The following GALNT11 variants were observed in gnomAD, a reference collection of about 807,000 sequenced individuals.
GALNT11 encodes UDP-GalNAc:polypeptide N-acetylgalactosaminyltransferase 11.
A neutral mutation model predicts 72.7 loss-of-function variants in GALNT11; 47 were observed. The ratio of observed to expected loss-of-function variants is 0.65; its 90% CI spans 0.51 to 0.82. GALNT11 has a LOEUF of 0.82. Among genes scored for constraint, GALNT11 ranks in the 40% least tolerant of loss-of-function variants. The pLI is 0.00. For synonymous variants in GALNT11, 270 were observed against 286.6 expected (o/e 0.94, Z 0.58); for missense variants, 677 against 778.4 (o/e 0.87, Z 1.55).
At chr7:152,082,355 C>A (rs2085370696) in intron 1 of GALNT11, among the ~76,000 whole-genome samples, 1 of 152,234 alleles carries the variant, frequency 6.6e-6, no homozygotes, top group South Asian at 2.1e-4. Flanking sequence ...ACGCATCCAC[C>A]CTACTGCTGT....
At chr7:152,097,039 G>A (rs1396760646) in intron 2 of GALNT11, among the ~76,000 whole-genome samples, 2 of 152,136 alleles carry the variant, frequency 1.3e-5, no homozygotes, top group East Asian at 3.9e-4. Flanking sequence ...TGTTGCCCAA[G>A]CTGGTCTCAA....
chr7:152,075,474 C>T (rs1417975909), intron 1 of GALNT11, among the ~76,000 whole-genome samples: 1 of 152,190 alleles, frequency 6.6e-6, no homozygotes, highest in Non-Finnish European at 1.5e-5. Flanking sequence ...TTCAAACTAC[C>T]CTGCCTGGTA....
chr7:152,108,189 T>G lies in GALNT11; in HGVS notation c.864T>G (p.Pro288=), dbSNP rs745749774. 1 of 1,614,112 alleles carries G rather than the reference T, an allele frequency of 6.2e-7. No homozygotes were observed. The highest frequency in any genetic ancestry group is 8.5e-7 in the Non-Finnish European group (1 of 1,179,982). ...ACACGCTGGCCTACAGCTCGTCCCC[T>G]GTCGTCCGCGGAGGGTTCAACTGGG... ...SADTLAYSSS[P]VVRGGFNWGL... The change falls in exon 6 of 12, where the codon CCT becomes CCG. Residue 288 remains proline (P), a synonymous_variant. Transcript: ENST00000430044.
At position 152,094,830 on chromosome 7, in the gene GALNT11, T is replaced by C. The variant is rs1397625370; in HGVS notation, c.295+308T>C. On this transcript the variant is annotated intron_variant, in intron 2 of 11. Coordinates refer to ENST00000430044, the MANE Select transcript of GALNT11 (RefSeq NM_022087.4). The surrounding 1 kb of genome is among the most constrained non-coding windows in gnomAD (Gnocchi z 4.3). The stretch of plus-strand genomic sequence containing the variant: ...GTTTTTTGTTTGTTTTTTTAAGAGA[T>C]GGGGTCTCACCATATTGCCCAGGCT... Among the ~76,000 whole-genome samples, 1 of 152,214 alleles carries C rather than the reference T, an allele frequency of 6.6e-6. No individual in the cohort carries two copies. Among genetic ancestry groups the C allele is most frequent in the Non-Finnish European group, 1.5e-5 (1 of 68,040 alleles).
chr7:152,032,989 T>C (rs1431426368), intron 1 of GALNT11, among the ~76,000 whole-genome samples: 1 of 152,194 alleles, frequency 6.6e-6, no homozygotes, highest in African/African-American at 2.4e-5. Flanking sequence ...GACAGGAGAT[T>C]AACACTGAGA....
chr7:152,026,658 T>C (rs6968270), intron 1 of GALNT11, among the ~76,000 whole-genome samples: 4,400 of 152,176 alleles, frequency 0.029, 206 homozygotes, highest in African/African-American at 0.099. Flanking sequence ...CAAGTGGCTA[T>C]TCCTCTGCCT....
At position 152,103,028 on chromosome 7, in the gene GALNT11, G is replaced by A. The variant is rs544665822; in HGVS notation, c.420-84G>A. 7.0e-6 allele frequency: 9 copies of A among 1,283,738 alleles called. No homozygotes were observed. The South Asian group carries it at 1.3e-4, about 19-fold the overall frequency. The allele number at this position is 1,283,738 out of a possible 1,614,324, so 79.5% of individuals were successfully genotyped here. On this transcript the variant is annotated intron_variant, in intron 3 of 11. Transcript: ENST00000430044. ...GGGTGGGGGAAGAGGGTGAACAAGG[G>A]GACAGTAAATCTGTAGGTGAATAAT...
intron 1 of GALNT11, among the ~76,000 whole-genome samples, chr7:152,066,655 G>C (rs886520616): frequency 2.6e-5 from 4 of 152,132 alleles, no homozygotes; most frequent in African/African-American, 9.7e-5. Flanking sequence ...ACACTTATAA[G>C]CCATTGTAGG....
rs866909026 is a variant in GALNT11 at position 152,051,204 on chromosome 7, T to G, written c.-39+25320T>G. Among the ~76,000 whole-genome samples, 861 of 132,702 alleles carry G rather than the reference T, an allele frequency of 6.5e-3. 6 individuals carry two copies. Among genetic ancestry groups the G allele is most frequent in the African/African-American group, 0.031 (826 of 26,866 alleles). 87.1% of individuals were successfully genotyped at this position (132,702 alleles called of 152,430 possible). A position where few individuals can be genotyped will look rare whatever the true frequency, so the allele number is the denominator to read the frequency against. On this transcript the variant is annotated intron_variant, in intron 1 of 11. Coordinates refer to ENST00000430044, the MANE Select transcript of GALNT11 (RefSeq NM_022087.4). ...TCCTAGAATTATATCTGGTTGTTTTTTTTTTTTTTTTTTTTTTTTTTTCAG... is the reference window on the plus strand; with the variant it reads ...TCCTAGAATTATATCTGGTTGTTTTGTTTTTTTTTTTTTTTTTTTTTTCAG...
In GALNT11 at chr7:152,115,966, G is replaced by GA. The variant is rs368518239; in HGVS notation, c.1234-1189dup. On this transcript the variant is annotated intron_variant, in intron 8 of 11. Coordinates refer to ENST00000430044, the MANE Select transcript of GALNT11 (RefSeq NM_022087.4). ...AGCTACTCAGGAGGCTGAGGCAGGA[G>GA]AATCGCTTGAACCTGGGAGGTGGAG... 3.3e-3 allele frequency among the ~76,000 whole-genome samples: 509 copies of GA among 152,278 alleles called. 3 individuals are homozygous for GA. Among genetic ancestry groups the GA allele is most frequent in the African/African-American group, 0.011 (460 of 41,578 alleles).
At chr7:152,100,967 C>T (rs1178663335) in intron 3 of GALNT11, 46 bp downstream of exon 3, 2 of 1,604,374 alleles carry the variant, frequency 1.2e-6, no homozygotes, top group Admixed American at 1.7e-5. Flanking sequence ...CAACACGATG[C>T]TTTTAGTGTC....
chr7:152,108,385 A>G, intron 6 of GALNT11, 98 bp downstream of exon 6: 2 of 1,495,146 alleles, frequency 1.3e-6, no homozygotes, highest in Non-Finnish European at 9.0e-7. Context: ...GTAAGGAGCA[A>G]AAGTGTTAGA....
chr7:152,045,368 G>A (rs1176747203), intron 1 of GALNT11, among the ~76,000 whole-genome samples: 2 of 152,100 alleles, frequency 1.3e-5, no homozygotes, highest in African/African-American at 4.8e-5. Context: ...ATTGGTATTA[G>A]TTCTTTAAAA....
intron 1 of GALNT11, among the ~76,000 whole-genome samples, chr7:152,066,707 A>G (rs1016253333): frequency 2.0e-5 from 3 of 152,162 alleles, no homozygotes; most frequent in South Asian, 2.1e-4. Flanking sequence ...TGTCTTAGGG[A>G]ACAGGGAGGC....
chr7:152,117,196 A>T lies in GALNT11; in HGVS notation c.1273A>T (p.Ser425Cys). 1 of 1,612,736 alleles carries T rather than the reference A, an allele frequency of 6.2e-7. No individual in the cohort carries two copies. The highest frequency in any genetic ancestry group is 8.5e-7 in the Non-Finnish European group (1 of 1,179,660). The change falls in exon 9 of 12, where the codon AGC becomes TGC. Residue 425 changes from serine (S) to cysteine (C), a missense_variant. Transcript: ENST00000430044. Reference sequence around the variant, plus strand: ...CTTAAGACCTGACCTGAAGACGAAAAGCTATGGCAATATCAGTGAGCGTGT... The same window carrying T: ...CTTAAGACCTGACCTGAAGACGAAATGCTATGGCAATATCAGTGAGCGTGT... ...FSLRPDLKTK[S>C]YGNISERVEL...
chr7:152,100,400 A>C (rs776006895), intron 2 of GALNT11, among the ~76,000 whole-genome samples: 3 of 151,804 alleles, frequency 2.0e-5, no homozygotes, highest in Non-Finnish European at 4.4e-5. Context: ...ACCCCGTCTC[A>C]ACTAAAAATA....
intron 9 of GALNT11, 102 bp from the exon 10 acceptor site, chr7:152,118,576 A>T: frequency 1.1e-6 from 1 of 912,346 alleles, no homozygotes; most frequent in Non-Finnish European, 1.7e-6. Flanking sequence ...TGGAATTCGT[A>T]CCTCCGGAAT....
intron 6 of GALNT11, among the ~76,000 whole-genome samples, chr7:152,109,306 A>G (rs1232896114): frequency 1.3e-5 from 2 of 152,246 alleles, no homozygotes; most frequent in Non-Finnish European, 2.9e-5. Flanking sequence ...AATAGCAGAC[A>G]TATATGTTCT....
At chr7:152,088,364 C>G (rs2085786561) in intron 1 of GALNT11, among the ~76,000 whole-genome samples, 1 of 152,088 alleles carries the variant, frequency 6.6e-6, no homozygotes, top group African/African-American at 2.4e-5. Flanking sequence ...AACTCTTTAT[C>G]TCCATTGATA....
Sources: gnomAD v4.1 joint callset for allele counts (sites outside exome capture counted in the v4.1 genomes callset) on GRCh38, gnomAD v4.1.1 for gene constraint, Gnocchi (gnomAD v3.1) non-coding constraint, MANE v1.5 for transcripts, NCBI Gene and HGNC (gene_info 2026-07-23, HGNC 2026-07-21) for gene names.